The following AKAP6 variants were observed in gnomAD, a reference collection of about 807,000 sequenced individuals.
AKAP6 encodes the protein A-kinase anchor protein 6.
In AKAP6, 58 loss-of-function variants were observed where a neutral mutation model predicts 188.5. That is an observed-to-expected ratio of 0.31 (90% CI 0.25 to 0.38). AKAP6 has a LOEUF of 0.38. AKAP6 is among the 10% of genes least tolerant of loss of function. The pLI is 1.00. For synonymous variants in AKAP6, 989 were observed against 998.6 expected (o/e 0.99, Z 0.18); for missense variants, 2,710 against 2,740.0 (o/e 0.99, Z 0.24).
At chr14:32,481,280 AG>A in intron 2 of AKAP6, among the ~76,000 whole-genome samples, 1 of 152,212 alleles carries the variant, frequency 6.6e-6, no homozygotes, top group Non-Finnish European at 1.5e-5. Context: ...CCTGCCTCAC[AG>A]TTCGCAGATC....
At chr14:32,430,878 G>T (rs995762068) in intron 1 of AKAP6, among the ~76,000 whole-genome samples, 1 of 152,028 alleles carries the variant, frequency 6.6e-6, no homozygotes, top group African/African-American at 2.4e-5. Context: ...AGGCCGAGGT[G>T]GGCGGATCAC....
intron 11 of AKAP6, among the ~76,000 whole-genome samples, chr14:32,755,515 AT>A (rs2032297676): frequency 5.0e-5 from 4 of 79,752 alleles, no homozygotes; most frequent in Non-Finnish European, 8.9e-5. Flanking sequence ...TAAGGCAATT[AT>A]TATTATTATT....
At chr14:32,543,815 A>T (rs1473299081) in intron 3 of AKAP6, among the ~76,000 whole-genome samples, 3 of 152,208 alleles carry the variant, frequency 2.0e-5, no homozygotes, top group Non-Finnish European at 4.4e-5. Flanking sequence ...TTTTGGTCCA[A>T]GCTACTCTTA....
At chr14:32,721,869 A>T (rs910531432) in intron 9 of AKAP6, among the ~76,000 whole-genome samples, 1 of 152,198 alleles carries the variant, frequency 6.6e-6, no homozygotes, top group Non-Finnish European at 1.5e-5. Context: ...GAGGAAATTT[A>T]GGCTCTATCT....
intron 1 of AKAP6, among the ~76,000 whole-genome samples, chr14:32,404,711 T>TATATATATATATATATA (rs1555325855): frequency 5.0e-4 from 64 of 128,482 alleles, no homozygotes; most frequent in East Asian, 9.2e-4. Flanking sequence ...TATATATATA[T>TATATATATATATATATA]TAGTCAGAAT....
intron 8 of AKAP6, among the ~76,000 whole-genome samples, chr14:32,694,686 A>T (rs1208333362): frequency 1.6e-4 from 24 of 152,210 alleles, no homozygotes; most frequent in Non-Finnish European, 7.3e-5. Flanking sequence ...GTTATGATAA[A>T]GTAATTAAAA....
intron 7 of AKAP6, among the ~76,000 whole-genome samples, chr14:32,622,825 G>A (rs1886870591): frequency 6.6e-6 from 1 of 152,086 alleles, no homozygotes; most frequent in Non-Finnish European, 1.5e-5. Context: ...GTGAAGGTGG[G>A]CATGAGAACT....
chr14:32,333,871 C>T lies in AKAP6; in HGVS notation c.-35+4463C>T, dbSNP rs565828495. On this transcript the variant is annotated intron_variant, in intron 1 of 13. Transcript: ENST00000280979. ...TGTTTTTATAAAAGATATTCATCACCTTTAAAAATTGTCCAGAGAGCCCTC... is the reference window on the plus strand; with the variant it reads ...TGTTTTTATAAAAGATATTCATCACTTTTAAAAATTGTCCAGAGAGCCCTC... Among the ~76,000 whole-genome samples, 26 of 152,206 alleles carry T rather than the reference C, an allele frequency of 1.7e-4. No homozygotes were observed. The East Asian group carries it at 4.8e-3, about 28-fold the overall frequency.
chr14:32,592,688 A>G (rs938522826), intron 5 of AKAP6, among the ~76,000 whole-genome samples: 1 of 152,122 alleles, frequency 6.6e-6, no homozygotes, highest in Non-Finnish European at 1.5e-5. Flanking sequence ...GCTGTTTTGT[A>G]GGAAGGTCAT....
At chr14:32,693,869 A>G (rs1218481099) in intron 8 of AKAP6, among the ~76,000 whole-genome samples, 1 of 152,178 alleles carries the variant, frequency 6.6e-6, no homozygotes, top group Non-Finnish European at 1.5e-5. Flanking sequence ...TTCAGGAAGT[A>G]TTTCTAAATG....
chr14:32,361,945 GT>G (rs917584086), intron 1 of AKAP6, among the ~76,000 whole-genome samples: 24 of 146,354 alleles, frequency 1.6e-4, no homozygotes, highest in African/African-American at 2.2e-4. Flanking sequence ...TCTTTTCTGA[GT>G]TTTTTTTTTT....
intron 1 of AKAP6, among the ~76,000 whole-genome samples, chr14:32,431,014 A>C (rs1372996628): frequency 6.6e-6 from 1 of 151,974 alleles, no homozygotes; most frequent in Admixed American, 6.6e-5. Context: ...TTGAGGCAGG[A>C]GAATGGCGTG....
chr14:32,793,590 C>A (rs61981389), intron 12 of AKAP6, among the ~76,000 whole-genome samples: 15,827 of 151,884 alleles, frequency 0.1, 923 homozygotes, highest in Middle Eastern at 0.19. Flanking sequence ...GACTGTAACA[C>A]CCCACTGACA....
intron 1 of AKAP6, among the ~76,000 whole-genome samples, chr14:32,416,936 G>C (rs11624620): frequency 0.64 from 96,602 of 152,108 alleles, 32,939 homozygotes; most frequent in Non-Finnish European, 0.76. Flanking sequence ...CGCCTCCTGG[G>C]TTCAACCGAC....
intron 7 of AKAP6, among the ~76,000 whole-genome samples, chr14:32,625,650 TAAA>T (rs3842332): frequency 9.5e-5 from 14 of 147,038 alleles, no homozygotes; most frequent in East Asian, 5.9e-4. Flanking sequence ...TTTATACAAA[TAAA>T]AAAAAAAAAC....
intron 12 of AKAP6, among the ~76,000 whole-genome samples, chr14:32,791,907 G>A (rs1291450865): frequency 6.6e-6 from 1 of 152,186 alleles, no homozygotes; most frequent in African/African-American, 2.4e-5. Flanking sequence ...TTTTTGTCAG[G>A]TTTGTCCAAG....
At chr14:32,395,574 C>T (rs1888854261) in intron 1 of AKAP6, among the ~76,000 whole-genome samples, 1 of 152,164 alleles carries the variant, frequency 6.6e-6, no homozygotes, top group Non-Finnish European at 1.5e-5. Flanking sequence ...AATGTTCTCA[C>T]TTTTTAAGCT....
chr14:32,606,305 A>T (rs2139368299), intron 7 of AKAP6, among the ~76,000 whole-genome samples: 1 of 152,324 alleles, frequency 6.6e-6, no homozygotes, highest in East Asian at 1.9e-4. Flanking sequence ...CATAGTGAAC[A>T]ACACCTAACA....
chr14:32,660,730 A>C lies in AKAP6; in HGVS notation c.2731-17581A>C, dbSNP rs1371574035. Among the ~76,000 whole-genome samples the C allele has an allele frequency of 3.3e-5, 5 of 152,060 alleles. No individual in the cohort carries two copies. In the East Asian group the frequency reaches 9.6e-4, roughly 29 times the overall value. On this transcript the variant is annotated intron_variant, in intron 7 of 13. Transcript: ENST00000280979. The stretch of plus-strand genomic sequence containing the variant: ...ACTATTTAAAACGTGAGATTCTGAG[A>C]GTATATGGAAAGGTTAGATGTTCAC...
Sources: gnomAD v4.1 joint callset for allele counts (sites outside exome capture counted in the v4.1 genomes callset) on GRCh38, gnomAD v4.1.1 for gene constraint, MANE v1.5 for transcripts, NCBI Gene and HGNC (gene_info 2026-07-23, HGNC 2026-07-21) for gene names.